Variants in GRB7 observed in about 807,000 individuals in gnomAD.
GRB7 encodes growth factor receptor bound protein 7, also known as growth factor receptor-bound protein 7.
In GRB7, 47 loss-of-function variants were observed where a neutral mutation model predicts 64.1. The observed-to-expected ratio is 0.73, with a 90% CI of 0.58 to 0.94. The LOEUF (loss-of-function observed/expected upper bound fraction) is 0.94. Among genes scored for constraint, GRB7 ranks in the 40% least tolerant of loss-of-function variants. The pLI is 0.00. For synonymous variants in GRB7, 277 were observed against 279.9 expected (o/e 0.99, Z 0.10); for missense variants, 634 against 718.4 (o/e 0.88, Z 1.34).
At chr17:39,744,493 G>A (rs900815245) in intron 7 of GRB7, 60 bp from the exon 8 acceptor site, 1 of 1,364,686 alleles carries the variant, frequency 7.3e-7, no homozygotes. Context: ...TGGCTTGTGG[G>A]GGGAGGTAAT....
At chr17:39,744,727 C>T (rs369799961) in intron 8 of GRB7, 64 bp downstream of exon 8, 37 of 1,439,660 alleles carry the variant, frequency 2.6e-5, no homozygotes, top group African/African-American at 1.1e-4. Context: ...GCCCCTGGAT[C>T]CTGCCCGGGG....
At chr17:39,744,775 C>A in intron 8 of GRB7, 111 bp from the exon 9 acceptor site, 1 of 1,305,130 alleles carries the variant, frequency 7.7e-7, no homozygotes, top group Non-Finnish European at 1.1e-6. Context: ...ACTCCTCTCC[C>A]TGCACCCTGG....
intron 1 of GRB7, chr17:39,739,956 G>T (rs1385060610): frequency 3.1e-6 from 3 of 983,404 alleles, no homozygotes; most frequent in Non-Finnish European, 3.6e-6. Context: ...GGCACGGCTG[G>T]GGGGCTCTGA....
In GRB7 at chr17:39,743,411, A is replaced by G. The variant is rs768534134; in HGVS notation, c.604A>G (p.Lys202Glu). ...CCCACAGCACTCCCTGTTCCCAGAA[A>G]AAATGGTCTCCAGCTGTCTCGATGC... ...KSSPHSLFPE[K>E]MVSSCLDAHT... The change falls in exon 6 of 15, where the codon AAA (lysine) becomes GAA (glutamate). Residue 202 changes from lysine (K) to glutamate (E), a missense_variant. By Grantham distance (56) the Lys-to-Glu change is moderately conservative. Transcript: ENST00000309156. 3 of 1,614,206 alleles carry G rather than the reference A, an allele frequency of 1.9e-6. No homozygotes were observed. Among genetic ancestry groups the G allele is most frequent in the Non-Finnish European group, 2.5e-6 (3 of 1,180,030 alleles).
At position 39,746,745 on chromosome 17, in the gene GRB7, C is replaced by T. The variant is rs756440880; in HGVS notation, c.1453-6C>T. 3.2e-5 allele frequency: 52 copies of T among 1,613,696 alleles called. No homozygotes were observed. The highest frequency in any genetic ancestry group is 2.3e-4 in the South Asian group (21 of 91,080). ...CTGAACTTCCACCCCCTTTACTGTA[C>T]CCCAGAGCGAGGAGGAGGGCCGCCT... On this transcript the variant is annotated splice_region_variant and splice_polypyrimidine_tract_variant and intron_variant, in intron 14 of 14. Transcript: ENST00000309156.
Position 39,742,313 on chromosome 17 carries a change from T to C in GRB7, c.12T>C (p.Asp4=), listed in dbSNP as rs1005687054. The change falls in exon 2 of 15, where the codon GAT becomes GAC. Residue 4 remains aspartate, a synonymous_variant. Transcript: ENST00000309156. MEL[D]LSPPHLSSSP... ...CTTGCTCAGACGCCATGGAGCTGGATCTGTCTCCACCTCATCTTAGCAGCT... is the reference window on the plus strand; with the variant it reads ...CTTGCTCAGACGCCATGGAGCTGGACCTGTCTCCACCTCATCTTAGCAGCT... 1.9e-6 allele frequency: 3 copies of C among 1,613,930 alleles called. No individual in the cohort carries two copies. Among genetic ancestry groups the C allele is most frequent in the Non-Finnish European group, 2.5e-6 (3 of 1,179,942 alleles).
At chr17:39,738,307 C>G (rs927896076) in intron 1 of GRB7, 174 bp downstream of exon 1, 2 of 152,282 alleles carry the variant, frequency 1.3e-5, no homozygotes, top group African/African-American at 4.8e-5. Context: ...GGGGCGGGGG[C>G]TGGAGGGGGA....
chr17:39,745,889 C>G (rs981175715), intron 12 of GRB7, 24 bp from the exon 13 acceptor site: 1 of 1,613,488 alleles, frequency 6.2e-7, no homozygotes, highest in African/African-American at 1.3e-5. Flanking sequence ...CCAAAGTGAC[C>G]GCCCATGTCC....
At chr17:39,739,963 C>T in intron 1 of GRB7, 1 of 985,202 alleles carries the variant, frequency 1.0e-6, no homozygotes, top group Non-Finnish European at 1.2e-6. Context: ...CTGGGGGGCT[C>T]TGAAGGCAAA....
At chr17:39,744,284 C>T in intron 7 of GRB7, 77 bp downstream of exon 7, 2 of 1,553,126 alleles carry the variant, frequency 1.3e-6, no homozygotes, top group Non-Finnish European at 1.8e-6. Context: ...CTGCTGGAAC[C>T]TCTGAGCCCT....
Position 39,746,893 on chromosome 17 carries a change from T to C in GRB7, c.1595T>C (p.Leu532Pro). 1 of 1,607,130 alleles carries C rather than the reference T, an allele frequency of 6.2e-7. No individual in the cohort carries two copies. Among genetic ancestry groups the C allele is most frequent in the Non-Finnish European group, 8.5e-7 (1 of 1,179,380 alleles). ...CGCCATTGCTGCACGCGGGTGGCCC[T>C]CTGACCAGGCCGTGGACTGGCTCAT... ...LLRHCCTRVAL is the reference protein window; with the variant it reads ...LLRHCCTRVAP The change falls in exon 15 of 15, where the codon CTC (leucine) becomes CCC (proline). Residue 532 changes from leucine (L) to proline (P), a missense_variant. By Grantham distance (98) the Leu-to-Pro change is moderately conservative. This residue lies in a region of GRB7 where 467 missense variants were observed against 576.6 expected (regional missense o/e 0.81). Transcript: ENST00000309156.
Position 39,743,065 on chromosome 17 carries a change from T to C in GRB7, c.463+11T>C, listed in dbSNP as rs766350657. 1 of 1,599,182 alleles carries C rather than the reference T, an allele frequency of 6.3e-7. No individual in the cohort carries two copies. On this transcript the variant is annotated intron_variant, in intron 4 of 14. Transcript: ENST00000309156. ...CCCACCTAGCACTGGGTAAGTCAGG[T>C]GCATGGAACTATCCGGGCTGGGAGA...
intron 1 of GRB7, among the ~76,000 whole-genome samples, chr17:39,740,366 C>A (rs1243086783): frequency 2.0e-5 from 3 of 152,186 alleles, no homozygotes; most frequent in Non-Finnish European, 4.4e-5. Flanking sequence ...ACCCCTCTGG[C>A]CGGGACACCC....
Position 39,745,442 on chromosome 17 carries a change from C to T in GRB7, c.1113C>T (p.Thr371=). 4 of 1,613,950 alleles carry T rather than the reference C, an allele frequency of 2.5e-6. No homozygotes were observed. The highest frequency in any genetic ancestry group is 3.4e-6 in the Non-Finnish European group (4 of 1,179,962). The change falls in exon 11 of 15, where the codon ACC becomes ACT. Residue 371 remains threonine (T), a synonymous_variant. Transcript: ENST00000309156. ...TCCAGAGAAGTGCCTCAGATAATAC[C>T]CTGGTGGCCATGGACTTCTCTGGCC... is the stretch of plus-strand genomic sequence containing the variant. ...SPPLRSASDN[T]LVAMDFSGHA...
intron 9 of GRB7, 65 bp downstream of exon 9, chr17:39,745,049 G>A: frequency 1.5e-6 from 2 of 1,347,962 alleles, no homozygotes; most frequent in Non-Finnish European, 2.1e-6. Context: ...CTGCCCTCAG[G>A]AAGTCTCAGG....
intron 1 of GRB7, 23 bp from the exon 2 acceptor site, chr17:39,742,215 GTCAGGAGGTCTGAA>G (rs772045839): frequency 6.7e-7 from 1 of 1,493,342 alleles, no homozygotes; most frequent in South Asian, 1.1e-5. Context: ...GCCGTGTGAG[GTCAGGAGGTCTGAA>G]TTCTCTCATC....
At position 39,744,619 on chromosome 17, in the gene GRB7, C is replaced by T. The variant is rs748665408; in HGVS notation, c.868C>T (p.Arg290Cys). 29 of 1,611,478 alleles carry T rather than the reference C, an allele frequency of 1.8e-5. No homozygotes were observed. Among genetic ancestry groups the T allele is most frequent in the Non-Finnish European group, 2.3e-5 (27 of 1,178,880 alleles). ...ESNVYVVTQG[R>C]KLYGMPTDFG... ...CAACGTGTACGTGGTGACGCAGGGC[C>T]GCAAGCTCTACGGGATGCCCACTGA... Residue 290 changes from arginine to cysteine, a missense_variant, in exon 8 of 15, where the codon CGC (arginine) becomes TGC (cysteine). Around this residue, in one of 2 missense-constraint regions of GRB7, gnomAD observed 467 missense variants for 576.6 expected, o/e 0.81. Transcript: ENST00000309156.
intron 3 of GRB7, 73 bp from the exon 4 acceptor site, chr17:39,742,825 G>A: frequency 6.5e-7 from 1 of 1,536,244 alleles, no homozygotes. Context: ...GTCCCTGAGG[G>A]TCTAGCAGGT....
At chr17:39,739,041 G>C in intron 1 of GRB7, 1 of 942,336 alleles carries the variant, frequency 1.1e-6, no homozygotes, top group Non-Finnish European at 1.5e-6. Flanking sequence ...ATAGCAGATG[G>C]TTTCTTCTGC....
Sources: gnomAD v4.1 joint callset for allele counts (sites outside exome capture counted in the v4.1 genomes callset) on GRCh38, gnomAD v4.1.1 for gene constraint, gnomAD v4.1.1 regional missense constraint, MANE v1.5 for transcripts, NCBI Gene and HGNC (gene_info 2026-07-23, HGNC 2026-07-21) for gene names.